The following PTPN13 variants were observed in gnomAD, a reference collection of about 807,000 sequenced individuals.
PTPN13 encodes protein tyrosine phosphatase non-receptor type 13, also known as tyrosine-protein phosphatase non-receptor type 13.
Under a neutral mutation model 284.0 loss-of-function variants are expected in PTPN13, and 191 were observed. That is an observed-to-expected ratio of 0.67 (90% CI 0.60 to 0.76). PTPN13 has a LOEUF of 0.76. PTPN13 is among the 30% of genes least tolerant of loss of function. The pLI is 0.00. For missense variants in PTPN13, 2,797 were observed against 2,939.9 expected (o/e 0.95, Z 1.12); for synonymous variants, 986 against 1,022.3 (o/e 0.96, Z 0.68).
chr4:86,654,991 T>C (rs1157668477), intron 2 of PTPN13, among the ~76,000 whole-genome samples: 2 of 152,232 alleles, frequency 1.3e-5, no homozygotes, highest in African/African-American at 4.8e-5. Flanking sequence ...TTCAACATTA[T>C]GTAATGGCCT....
chr4:86,768,079 A>G lies in PTPN13; in HGVS notation c.4489+103A>G, dbSNP rs2149264684. 3.8e-6 allele frequency: 4 copies of G among 1,041,900 alleles called. No homozygotes were observed. The South Asian group carries it at 5.5e-5, about 14-fold the overall frequency. 64.5% of individuals were successfully genotyped at this position (1,041,900 alleles called of 1,614,324 possible). On this transcript the variant is annotated intron_variant, in intron 28 of 47. Coordinates refer to ENST00000411767, the MANE Select transcript of PTPN13 (RefSeq NM_080683.3). ...TACAGTTAATGCCCTAGTTTTGTTC[A>G]TTATTCTTGTCAAGTACAAATAATA...
intron 1 of PTPN13, among the ~76,000 whole-genome samples, chr4:86,600,669 CA>C (rs1764227710): frequency 6.6e-6 from 1 of 151,750 alleles, no homozygotes; most frequent in Non-Finnish European, 1.5e-5. Flanking sequence ...TAAAGATATT[CA>C]AAGTTGTGTT....
intron 26 of PTPN13, 81 bp downstream of exon 26, chr4:86,765,569 C>G: frequency 1.1e-6 from 1 of 938,240 alleles, no homozygotes; most frequent in African/African-American, 1.7e-5. Context: ...TGATAACTGA[C>G]CTTCAAATTC....
At position 86,744,326 on chromosome 4, in the gene PTPN13, A is replaced by G. The variant is rs1312092112; in HGVS notation, c.2488-640A>G. Reference sequence around the variant, plus strand: ...AAACTTTCATTTTCTTGTATCCAATAGAGTAGAACACATATTTATTATTTC... The same window carrying G: ...AAACTTTCATTTTCTTGTATCCAATGGAGTAGAACACATATTTATTATTTC... On this transcript the variant is annotated intron_variant, in intron 16 of 47. Transcript: ENST00000411767. 2.6e-5 allele frequency among the ~76,000 whole-genome samples: 4 copies of G among 152,300 alleles called. No homozygotes were observed. In the East Asian group the frequency reaches 5.8e-4, roughly 22 times the overall value.
intron 3 of PTPN13, among the ~76,000 whole-genome samples, chr4:86,678,201 C>T (rs1728506430): frequency 6.6e-6 from 1 of 152,116 alleles, no homozygotes; most frequent in African/African-American, 2.4e-5. Flanking sequence ...TAGAAAATAA[C>T]AACCTGCTGT....
Position 86,689,041 on chromosome 4 carries a change from C to T in PTPN13, c.397C>T (p.Leu133Phe). The stretch of plus-strand genomic sequence containing the variant: ...TGGAGATCATCTCAACAGCATACTG[C>T]TTGGAATGTGTGAGGATGTTATTTA... ...KLGDHLNSIL[L>F]GMCEDVIYAR... Residue 133 changes from leucine (L) to phenylalanine (F), a missense_variant, in exon 5 of 48, where the codon CTT (leucine) becomes TTT (phenylalanine). Physicochemically the swap from Leu to Phe is conservative, Grantham distance 22 (BLOSUM62 0). Coordinates refer to ENST00000411767, the MANE Select transcript of PTPN13 (RefSeq NM_080683.3). 1 of 1,582,376 alleles carries T rather than the reference C, an allele frequency of 6.3e-7. No individual in the cohort carries two copies. The highest frequency in any genetic ancestry group is 1.7e-4 in the Middle Eastern group (1 of 6,006).
At chr4:86,712,503 T>C (rs1732535516) in intron 7 of PTPN13, among the ~76,000 whole-genome samples, 1 of 152,046 alleles carries the variant, frequency 6.6e-6, no homozygotes, top group South Asian at 2.1e-4. Context: ...TCATAAATTT[T>C]CCAAGACACA....
At chr4:86,708,834 A>G (rs1433411998) in intron 7 of PTPN13, among the ~76,000 whole-genome samples, 1 of 151,972 alleles carries the variant, frequency 6.6e-6, no homozygotes, top group African/African-American at 2.4e-5. Context: ...AGCTCCTTGG[A>G]TCATCATACT....
At chr4:86,779,343 G>C (rs1385972806) in intron 35 of PTPN13, among the ~76,000 whole-genome samples, 5 of 151,916 alleles carry the variant, frequency 3.3e-5, no homozygotes, top group Non-Finnish European at 1.5e-5. Flanking sequence ...CGTGAACCCG[G>C]GAGGTGGAGC....
chr4:86,785,195 T>A, intron 38 of PTPN13, 36 bp from the exon 39 acceptor site: 1 of 1,418,332 alleles, frequency 7.1e-7, no homozygotes, highest in South Asian at 1.4e-5. Flanking sequence ...TCAATATTTT[T>A]AAAGTAAAAC....
At chr4:86,776,600 T>C (rs183440590) in intron 35 of PTPN13, among the ~76,000 whole-genome samples, 27 of 152,304 alleles carry the variant, frequency 1.8e-4, no homozygotes, top group African/African-American at 6.5e-4. Flanking sequence ...CCATGGTAAA[T>C]TGAAAATATC....
At chr4:86,795,323 T>C (rs1245213769) in intron 40 of PTPN13, among the ~76,000 whole-genome samples, 1 of 152,130 alleles carries the variant, frequency 6.6e-6, no homozygotes, top group African/African-American at 2.4e-5. Flanking sequence ...GAAATGCAAA[T>C]CAAAACCACA....
chr4:86,629,973 C>T (rs1178345155), intron 1 of PTPN13, among the ~76,000 whole-genome samples: 1 of 151,978 alleles, frequency 6.6e-6, no homozygotes, highest in East Asian at 1.9e-4. Flanking sequence ...CGCTGTATTG[C>T]CCAGGCAGTC....
At position 86,805,346 on chromosome 4, in the gene PTPN13, A is replaced by G; in HGVS notation, c.6722A>G (p.Asn2241Ser). The G allele has an allele frequency of 6.3e-7, 1 of 1,595,602 alleles. No homozygotes were observed. Among genetic ancestry groups the G allele is most frequent in the East Asian group, 2.2e-5 (1 of 44,614 alleles). ...CAAACTAAGGAAAACAGAAGGAAGA[A>G]CAGATATAAAAATATACTTCCCTGT... The part of the protein sequence containing the change: ...IGQTKENRRK[N>S]RYKNILPYDA... The change falls in exon 44 of 48, where the codon AAC (asparagine) becomes AGC (serine). Residue 2241 changes from asparagine to serine, a missense_variant. Physicochemically the swap from Asn to Ser is conservative, Grantham distance 46. Coordinates refer to ENST00000411767, the MANE Select transcript of PTPN13 (RefSeq NM_080683.3).
Position 86,687,402 on chromosome 4 carries a change from G to A in PTPN13, c.360+627G>A, listed in dbSNP as rs186339202. Among the ~76,000 whole-genome samples, 16 of 152,164 alleles carry A rather than the reference G, an allele frequency of 1.1e-4. No individual in the cohort carries two copies. In the East Asian group the frequency reaches 3.1e-3, roughly 29 times the overall value. On this transcript the variant is annotated intron_variant, in intron 4 of 47. Coordinates refer to ENST00000411767, the MANE Select transcript of PTPN13 (RefSeq NM_080683.3). ...CTTAATGACCAATATAAACATAGTA[G>A]TAAATAGTAATTGAAAATTTAAAAA...
intron 28 of PTPN13, among the ~76,000 whole-genome samples, chr4:86,769,327 T>G (rs945817664): frequency 2.0e-5 from 3 of 152,118 alleles, no homozygotes; most frequent in African/African-American, 7.2e-5. Flanking sequence ...GTTATCGTAC[T>G]CTGTTTTGTT....
intron 23 of PTPN13, 145 bp from the exon 24 acceptor site, chr4:86,762,578 CAAAG>C: frequency 1.6e-6 from 1 of 629,676 alleles, no homozygotes; most frequent in Non-Finnish European, 2.7e-6. Context: ...AAGGAGAAAG[CAAAG>C]AAAGTCTACC....
chr4:86,748,130 G>A (rs930748370), intron 17 of PTPN13, among the ~76,000 whole-genome samples: 1 of 152,146 alleles, frequency 6.6e-6, no homozygotes, highest in Non-Finnish European at 1.5e-5. Flanking sequence ...TGGGATAAGA[G>A]AATAAATGAA....
chr4:86,638,894 A>C (rs1025116499), intron 2 of PTPN13, among the ~76,000 whole-genome samples: 6 of 152,236 alleles, frequency 3.9e-5, no homozygotes, highest in African/African-American at 1.4e-4. Flanking sequence ...TGAACAGGCA[A>C]CCTACAGAAT....
Sources: allele counts gnomAD v4.1 joint callset (sites outside exome capture counted in the v4.1 genomes callset), GRCh38; gene constraint gnomAD v4.1.1; transcripts MANE v1.5; gene names NCBI Gene and HGNC (gene_info 2026-07-23, HGNC 2026-07-21).